TFEC: variants seen among roughly 807,000 people sequenced by gnomAD.
The protein encoded by TFEC is class E basic helix-loop-helix protein 34.
In TFEC, 31 loss-of-function variants were observed where a neutral mutation model predicts 41.6. The ratio of observed to expected loss-of-function variants is 0.74; its 90% CI spans 0.56 to 1.01. The LOEUF (loss-of-function observed/expected upper bound fraction) is 1.01, where lower values mean the gene tolerates loss of function less well. TFEC is among the 50% of genes least tolerant of loss of function. The pLI is 0.00. For synonymous variants in TFEC, 143 were observed against 140.6 expected (o/e 1.02, Z -0.12); for missense variants, 402 against 404.1 (o/e 0.99, Z 0.04).
intron 1 of TFEC, among the ~76,000 whole-genome samples, chr7:116,014,330 C>T (rs1296999581): frequency 3.3e-5 from 5 of 151,802 alleles, no homozygotes; most frequent in East Asian, 1.9e-4. Flanking sequence ...TTTCTTTGTA[C>T]GATTTTTCCT....
chr7:115,990,755 T>C lies in TFEC; in HGVS notation c.-72-6242A>G, dbSNP rs562196999. Among the ~76,000 whole-genome samples, 61 of 152,252 alleles carry C rather than the reference T, an allele frequency of 4.0e-4. No individual in the cohort carries two copies. In the South Asian group the frequency reaches 0.012, roughly 31 times the overall value. On this transcript the variant is annotated intron_variant, in intron 1 of 7. Coordinates refer to ENST00000265440, the MANE Select transcript of TFEC (RefSeq NM_012252.4). Reference sequence around the variant, plus strand: ...GTAAAAAGACCAAATCTACATCTGATTGGTGTACCTGAAAGTGACGGGGAG... The same window carrying C: ...GTAAAAAGACCAAATCTACATCTGACTGGTGTACCTGAAAGTGACGGGGAG...
intron 1 of TFEC, among the ~76,000 whole-genome samples, chr7:116,017,566 T>C (rs1418924656): frequency 6.6e-6 from 1 of 152,088 alleles, no homozygotes; most frequent in Non-Finnish European, 1.5e-5. Context: ...TACCATGACC[T>C]TCGTGTTGAA....
chr7:116,150,241 A>ATCAGAAGGCC (rs1798733115), intron 1 of TFEC, among the ~76,000 whole-genome samples: 1 of 152,174 alleles, frequency 6.6e-6, no homozygotes, highest in Non-Finnish European at 1.5e-5. Context: ...CTCAGTGTTA[A>ATCAGAAGGCC]TCAGAAGGCC....
intron 1 of TFEC, among the ~76,000 whole-genome samples, chr7:116,114,581 G>A (rs1013986991): frequency 4.0e-5 from 6 of 151,882 alleles, no homozygotes; most frequent in Non-Finnish European, 7.4e-5. Context: ...AGTTCCAAGG[G>A]AGACAGAGAG....
intron 1 of TFEC, among the ~76,000 whole-genome samples, chr7:115,988,208 T>G (rs549599091): frequency 9.9e-5 from 15 of 151,990 alleles, no homozygotes; most frequent in African/African-American, 3.4e-4. Flanking sequence ...AAAAACATGG[T>G]TTGAAGAAGC....
At chr7:116,063,314 G>A (rs113371899) in intron 3 of TFEC, among the ~76,000 whole-genome samples, 110 of 152,230 alleles carry the variant, frequency 7.2e-4, no homozygotes, top group African/African-American at 2.3e-3. Flanking sequence ...GTTATGAAGG[G>A]GCAGCAGGAA....
In TFEC at chr7:116,062,796, C is replaced by T. The variant is rs191043981; in HGVS notation, c.198+47912G>A. On this transcript the variant is annotated intron_variant, in intron 3 of 8. Coordinates refer to the TFEC transcript ENST00000484212. ...CTTTTAGTTATTTAAGGAATCTCCA[C>T]ACTGTTTTCCATAGTGGTTGTAATA... Among the ~76,000 whole-genome samples, 565 of 152,034 alleles carry T rather than the reference C, an allele frequency of 3.7e-3. 7 individuals are homozygous for T. The highest frequency in any genetic ancestry group is 0.012 in the African/African-American group (511 of 41,496).
At chr7:116,092,609 C>CA (rs1797354416) in intron 3 of TFEC, among the ~76,000 whole-genome samples, 3 of 152,138 alleles carry the variant, frequency 2.0e-5, no homozygotes, top group Non-Finnish European at 4.4e-5. Context: ...TTTTACTGAA[C>CA]ATACCCTTCT....
intron 3 of TFEC, among the ~76,000 whole-genome samples, chr7:115,971,588 A>G (rs1051872718): frequency 6.6e-6 from 1 of 151,814 alleles, no homozygotes. Context: ...ACTGAAGAAA[A>G]CTTCCAAGCA....
chr7:115,970,403 G>T (rs1016210528), intron 3 of TFEC, among the ~76,000 whole-genome samples: 1 of 151,932 alleles, frequency 6.6e-6, no homozygotes. Flanking sequence ...CTATTGGGGA[G>T]GAGAGAATGA....
chr7:116,081,516 T>C (rs999242523), intron 3 of TFEC, among the ~76,000 whole-genome samples: 5 of 152,006 alleles, frequency 3.3e-5, no homozygotes, highest in Non-Finnish European at 7.4e-5. Context: ...CTTAGTTAAG[T>C]AGGTCATGGT....
chr7:115,996,184 T>C (rs1435187369), intron 1 of TFEC, among the ~76,000 whole-genome samples: 1 of 152,094 alleles, frequency 6.6e-6, no homozygotes, highest in Non-Finnish European at 1.5e-5. Context: ...TCTTTCCTTA[T>C]GCTTGAGGAG....
chr7:116,000,022 A>C (rs184182724), intron 1 of TFEC, among the ~76,000 whole-genome samples: 68 of 152,262 alleles, frequency 4.5e-4, no homozygotes, highest in Admixed American at 2.6e-3. Context: ...TCAATAAAAG[A>C]AAACTACAGG....
chr7:116,011,097 T>A (rs1430986927), intron 1 of TFEC, among the ~76,000 whole-genome samples: 2 of 152,092 alleles, frequency 1.3e-5, no homozygotes, highest in East Asian at 3.8e-4. Context: ...CCAGTTAGAG[T>A]AAATATTCGT....
At chr7:116,068,180 G>GT (rs902064863) in intron 3 of TFEC, among the ~76,000 whole-genome samples, 3 of 151,680 alleles carry the variant, frequency 2.0e-5, no homozygotes, top group South Asian at 2.1e-4. Context: ...GAAGCAATAT[G>GT]TTTTTTTGTA....
At chr7:116,018,454 T>C (rs1462866321) in intron 1 of TFEC, among the ~76,000 whole-genome samples, 1 of 152,156 alleles carries the variant, frequency 6.6e-6, no homozygotes, top group African/African-American at 2.4e-5. Flanking sequence ...CAGGCTAACA[T>C]GTTATTGGAT....
intron 3 of TFEC, among the ~76,000 whole-genome samples, chr7:116,052,009 G>T (rs2130958764): frequency 6.6e-6 from 1 of 151,688 alleles, no homozygotes; most frequent in East Asian, 1.9e-4. Context: ...CCTGATATGG[G>T]TAATCTGCTA....
At chr7:116,110,510 T>C (rs1187163023) in intron 3 of TFEC, among the ~76,000 whole-genome samples, 1 of 152,108 alleles carries the variant, frequency 6.6e-6, no homozygotes, top group Non-Finnish European at 1.5e-5. Flanking sequence ...AATACTTCCA[T>C]GCTGAATATT....
chr7:116,142,182 C>T (rs1386710198), intron 1 of TFEC, among the ~76,000 whole-genome samples: 1 of 152,154 alleles, frequency 6.6e-6, no homozygotes, highest in Non-Finnish European at 1.5e-5. Context: ...GAAGAATGTA[C>T]ATCTTCAGAG....
Sources: allele counts gnomAD v4.1 joint callset (sites outside exome capture counted in the v4.1 genomes callset), GRCh38; gene constraint gnomAD v4.1.1; transcripts MANE v1.5; gene names NCBI Gene and HGNC (gene_info 2026-07-23, HGNC 2026-07-21).